WWOX: variants seen among roughly 807,000 people sequenced by gnomAD.
The protein encoded by WWOX is WW domain containing oxidoreductase, also known as WW domain-containing oxidoreductase.
WWOX carries 69 observed loss-of-function variants against 46.2 expected under a neutral mutation model. The ratio of observed to expected loss-of-function variants is 1.49; its 90% CI spans 1.23 to 1.82. The LOEUF is 1.82. WWOX is among the 40% of genes most tolerant of loss of function. The pLI is 0.00. For synonymous variants in WWOX, 359 were observed against 202.6 expected, an observed-to-expected ratio of 1.77 and a Z score of -6.56; for missense variants, 919 against 542.6, an observed-to-expected ratio of 1.69 and a Z score of -6.89.
chr16:78,439,756 A>G (rs1193646738), intron 8 of WWOX, among the ~76,000 whole-genome samples: 1 of 152,234 alleles, frequency 6.6e-6, no homozygotes, highest in African/African-American at 2.4e-5. Context: ...ATGTATCCAG[A>G]GTTGCTGAGG....
chr16:78,606,917 C>T (rs962293553), intron 8 of WWOX, among the ~76,000 whole-genome samples: 1 of 151,898 alleles, frequency 6.6e-6, no homozygotes, highest in Non-Finnish European at 1.5e-5. Context: ...CTTTTATGTC[C>T]ACAGCGGTTC....
chr16:79,158,854 C>T (rs979660604), intron 8 of WWOX, among the ~76,000 whole-genome samples: 6 of 152,200 alleles, frequency 3.9e-5, no homozygotes, highest in African/African-American at 1.4e-4. Context: ...CCCACTAGAA[C>T]TCAAGTTTGT....
intron 8 of WWOX, among the ~76,000 whole-genome samples, chr16:78,460,836 G>C (rs554308007): frequency 2.6e-5 from 4 of 152,334 alleles, no homozygotes; most frequent in African/African-American, 9.6e-5. Flanking sequence ...TTTTTAGTTT[G>C]CTCTGTTACG....
intron 8 of WWOX, among the ~76,000 whole-genome samples, chr16:78,808,743 AGT>A: frequency 6.6e-6 from 1 of 152,162 alleles, no homozygotes; most frequent in African/African-American, 2.4e-5. Context: ...GTCAAAGATG[AGT>A]AAATTGAGAT....
chr16:78,585,176 G>A (rs535329598), intron 8 of WWOX, among the ~76,000 whole-genome samples: 1 of 152,246 alleles, frequency 6.6e-6, no homozygotes, highest in South Asian at 2.1e-4. Flanking sequence ...GACCACCCCC[G>A]GGCTATTTCT....
chr16:78,357,994 T>C (rs2081333878), intron 5 of WWOX, among the ~76,000 whole-genome samples: 1 of 152,180 alleles, frequency 6.6e-6, no homozygotes, highest in South Asian at 2.1e-4. Flanking sequence ...TTGCCGGAGA[T>C]GTGGAGCTGT....
At chr16:78,284,985 T>A (rs994904475) in intron 5 of WWOX, among the ~76,000 whole-genome samples, 1 of 152,190 alleles carries the variant, frequency 6.6e-6, no homozygotes, top group African/African-American at 2.4e-5. Context: ...ATGGAACTGA[T>A]CTTTCTGAAA....
At chr16:78,328,581 A>G (rs2080684774) in intron 5 of WWOX, among the ~76,000 whole-genome samples, 2 of 152,212 alleles carry the variant, frequency 1.3e-5, no homozygotes, top group African/African-American at 4.8e-5. Context: ...GCCTGTATTC[A>G]AAGGAGAATA....
intron 8 of WWOX, among the ~76,000 whole-genome samples, chr16:78,846,692 T>C (rs1461354811): frequency 6.6e-6 from 1 of 152,172 alleles, no homozygotes; most frequent in East Asian, 1.9e-4. Flanking sequence ...TAAAGGATCA[T>C]TTTTTTCCTT....
chr16:78,313,320 A>G (rs2080285785), intron 5 of WWOX, among the ~76,000 whole-genome samples: 1 of 152,174 alleles, frequency 6.6e-6, no homozygotes, highest in Non-Finnish European at 1.5e-5. Flanking sequence ...AGAACGTCTG[A>G]ACAGTGCTGG....
intron 1 of WWOX, among the ~76,000 whole-genome samples, chr16:78,104,147 A>C (rs1275030565): frequency 6.6e-6 from 1 of 151,720 alleles, no homozygotes; most frequent in Non-Finnish European, 1.5e-5. Context: ...TGGCAGTCAG[A>C]GGCCTCAATG....
chr16:78,471,472 G>A (rs1161781114), intron 8 of WWOX, among the ~76,000 whole-genome samples: 1 of 152,196 alleles, frequency 6.6e-6, no homozygotes, highest in African/African-American at 2.4e-5. Context: ...ATAGGAAGAC[G>A]TTCTCCATCG....
chr16:79,019,685 C>T (rs963341046), intron 8 of WWOX, among the ~76,000 whole-genome samples: 1 of 151,886 alleles, frequency 6.6e-6, no homozygotes, highest in South Asian at 2.1e-4. Context: ...CCCGGGCTCT[C>T]TAAGGGTGTA....
At chr16:78,564,273 C>T (rs1413809483) in intron 8 of WWOX, among the ~76,000 whole-genome samples, 6 of 152,176 alleles carry the variant, frequency 3.9e-5, no homozygotes, top group Admixed American at 1.3e-4. Flanking sequence ...ATTGACTCTT[C>T]GGGAGCTGTT....
intron 8 of WWOX, among the ~76,000 whole-genome samples, chr16:78,518,030 A>G (rs766984141): frequency 2.0e-5 from 3 of 151,498 alleles, no homozygotes; most frequent in African/African-American, 2.4e-5. Flanking sequence ...CCACCTTCCT[A>G]TGTCTTTGAG....
chr16:79,105,533 GAT>G (rs1428386010), intron 8 of WWOX, among the ~76,000 whole-genome samples: 1 of 151,700 alleles, frequency 6.6e-6, no homozygotes, highest in Non-Finnish European at 1.5e-5. Context: ...TGTGTATTTA[GAT>G]ATTTCTAGAA....
intron 8 of WWOX, among the ~76,000 whole-genome samples, chr16:78,821,391 T>C (rs1451917763): frequency 2.0e-5 from 3 of 152,138 alleles, no homozygotes; most frequent in Admixed American, 1.3e-4. Flanking sequence ...TTTATCCTTC[T>C]TTCCCCCTGC....
chr16:78,321,552 G>A (rs74029892), intron 5 of WWOX, among the ~76,000 whole-genome samples: 8,488 of 151,924 alleles, frequency 0.056, 637 homozygotes, highest in African/African-American at 0.17. Flanking sequence ...TTGTGGGTGT[G>A]TAGGACTGAA....
chr16:78,462,040 C>G (rs763487181), intron 8 of WWOX, among the ~76,000 whole-genome samples: 4 of 152,184 alleles, frequency 2.6e-5, no homozygotes, highest in Non-Finnish European at 5.9e-5. Flanking sequence ...AATTTAGTAC[C>G]TTTTTACATA....
Sources: gnomAD v4.1 joint callset for allele counts (sites outside exome capture counted in the v4.1 genomes callset) on GRCh38, gnomAD v4.1.1 for gene constraint, MANE v1.5 for transcripts, NCBI Gene and HGNC (gene_info 2026-07-23, HGNC 2026-07-21) for gene names.